GCNT1: variants seen among roughly 807,000 people sequenced by gnomAD.
The protein encoded by GCNT1 is beta-1,3-galactosyl-O-glycosyl-glycoprotein beta-1,6-N-acetylglucosaminyltransferase.
GCNT1 carries 16 observed loss-of-function variants against 26.2 expected under a neutral mutation model. That is an observed-to-expected ratio of 0.61 (90% CI 0.41 to 0.93). The LOEUF is 0.93. Ranked by LOEUF, GCNT1 falls within the 40% of genes least tolerant of loss-of-function variation. The probability of loss-of-function intolerance (pLI) is 0.00; values close to 1 mark genes in which losing one functional copy is unlikely to be tolerated. For missense variants in GCNT1, 477 were observed against 526.7 expected (o/e 0.91, Z 0.92); for synonymous variants, 183 against 190.8 (o/e 0.96, Z 0.34).
rs1825166269 is a variant in GCNT1 at position 76,503,986 on chromosome 9, C to G, written c.*318C>G. On this transcript the variant is annotated 3_prime_UTR_variant, in exon 4 of 4. Transcript: ENST00000376730. ...GGCCGATGCATAAAGTCAGCCTGTT[C>G]AAAGTGCTCAGGGACTTAGCAAAAT... The G allele has an allele frequency of 2.8e-6, 1 of 355,374 alleles. No homozygotes were observed. Among genetic ancestry groups the G allele is most frequent in the Non-Finnish European group, 5.5e-6 (1 of 181,452 alleles). 22.0% of individuals were successfully genotyped at this position (355,374 alleles called of 1,614,324 possible). A position where few individuals can be genotyped will look rare whatever the true frequency, so the allele number is the denominator to read the frequency against.
At chr9:76,443,896 AG>A (rs1823522677) in intron 1 of GCNT1, among the ~76,000 whole-genome samples, 2 of 48,710 alleles carry the variant, frequency 4.1e-5, no homozygotes, top group African/African-American at 1.9e-4. Context: ...AAAGAAAGAA[AG>A]AAAGGAAGAA....
At chr9:76,397,736 C>T in the GCNT1 span, among the ~76,000 whole-genome samples, 56,924 of 152,008 alleles carry the variant, frequency 0.37, 11,302 homozygotes, top group Non-Finnish European at 0.43. Context: ...TTTCCACCAC[C>T]GCTCAATAGC....
At chr9:76,408,074 A>G in the GCNT1 span, among the ~76,000 whole-genome samples, 5 of 152,316 alleles carry the variant, frequency 3.3e-5, no homozygotes, top group East Asian at 7.7e-4. Flanking sequence ...ATCATCTGCA[A>G]ACAAAGACAG....
chr9:76,401,528 A>C, the GCNT1 span, among the ~76,000 whole-genome samples: 10 of 152,230 alleles, frequency 6.6e-5, no homozygotes, highest in Non-Finnish European at 1.3e-4. Flanking sequence ...CACATTAATG[A>C]AGTTTACAGT....
chr9:76,492,582 G>A (rs2131631969), intron 2 of GCNT1, among the ~76,000 whole-genome samples: 1 of 150,704 alleles, frequency 6.6e-6, no homozygotes, highest in South Asian at 2.2e-4. Flanking sequence ...CTTGCCCCGG[G>A]CACCCTCAGT....
Position 76,506,361 on chromosome 9 carries a change from A to T in GCNT1, c.*2693A>T, listed in dbSNP as rs1825238519. On this transcript the variant is annotated 3_prime_UTR_variant, in exon 4 of 4. Coordinates refer to ENST00000376730, the MANE Select transcript of GCNT1 (RefSeq NM_001490.5). ...CAAGACCAGCCTAGCCAACATGACG[A>T]AACCCCATCTCTACTGAAAATAGAA... 6.0e-6 allele frequency: 1 copy of T among 166,962 alleles called. No homozygotes were observed. The highest frequency in any genetic ancestry group is 1.5e-5 in the Non-Finnish European group (1 of 68,092). The allele number at this position is 166,962 out of a possible 1,614,324, so 10.3% of individuals were successfully genotyped here.
intron 1 of GCNT1, among the ~76,000 whole-genome samples, chr9:76,427,413 CA>C (rs1482845253): frequency 6.6e-6 from 1 of 152,108 alleles, no homozygotes; most frequent in African/African-American, 2.4e-5. Flanking sequence ...CTCCTGGGCT[CA>C]AGCGATCTGC....
At chr9:76,426,233 A>G (rs1323936657) in intron 1 of GCNT1, among the ~76,000 whole-genome samples, 1 of 152,172 alleles carries the variant, frequency 6.6e-6, no homozygotes, top group Non-Finnish European at 1.5e-5. Flanking sequence ...TTGGAGGTTA[A>G]AAGGAAGATG....
chr9:76,407,887 G>A, the GCNT1 span, among the ~76,000 whole-genome samples: 1 of 152,046 alleles, frequency 6.6e-6, no homozygotes, highest in Non-Finnish European at 1.5e-5. Context: ...AATATAAATG[G>A]TATTGATATT....
At chr9:76,426,769 C>T (rs962020928) in intron 1 of GCNT1, among the ~76,000 whole-genome samples, 11 of 151,842 alleles carry the variant, frequency 7.2e-5, no homozygotes, top group African/African-American at 2.7e-4. Context: ...TGGTGGTGGG[C>T]ACCTGTAATC....
chr9:76,394,439 CG>C, the GCNT1 span: 1 of 354,286 alleles, frequency 2.8e-6, no homozygotes, highest in Non-Finnish European at 5.1e-6. Flanking sequence ...CGGGTGTGAG[CG>C]GGGTGGGGGG....
rs7022144 is a variant in GCNT1, at chr9:76,428,124, C to T, written n.38+8237C>T. On this transcript the variant is annotated intron_variant and non_coding_transcript_variant, in intron 1 of 3. Transcript: ENST00000488136. ...TACTAAAAATACAAAAAATTAGCCG[C>T]GCGTGGTGGCGGGCGCCTGTAGTCC... 3.3e-5 allele frequency among the ~76,000 whole-genome samples: 5 copies of T among 151,076 alleles called. No individual in the cohort carries two copies. The East Asian group carries it at 5.8e-4, about 18-fold the overall frequency.
In GCNT1 at chr9:76,503,493, C is replaced by T; in HGVS notation, c.1112C>T (p.Pro371Leu). ...GDVSKGAPYP[P>L]CDGVHVRSVC... ...GTTTCCAAGGGTGCTCCCTACCCGC[C>T]CTGCGATGGAGTCCATGTGCGCTCA... The change falls in exon 4 of 4, where the codon CCC (proline) becomes CTC (leucine). Residue 371 changes from proline to leucine, a missense_variant. Coordinates refer to ENST00000376730, the MANE Select transcript of GCNT1 (RefSeq NM_001490.5). The T allele has an allele frequency of 6.2e-7, 1 of 1,614,146 alleles. No individual in the cohort carries two copies. Among genetic ancestry groups the T allele is most frequent in the East Asian group, 2.2e-5 (1 of 44,878 alleles).
chr9:76,417,337 T>C (rs887371649), upstream of GCNT1, among the ~76,000 whole-genome samples: 3 of 152,208 alleles, frequency 2.0e-5, no homozygotes, highest in Non-Finnish European at 2.9e-5. Flanking sequence ...CACCTGAGTA[T>C]GTATCACAAT....
At chr9:76,480,210 C>G (rs532562895) in intron 2 of GCNT1, among the ~76,000 whole-genome samples, 75 of 152,156 alleles carry the variant, frequency 4.9e-4, no homozygotes, top group African/African-American at 1.7e-3. Flanking sequence ...TTCCATTGGT[C>G]TATATCTCTG....
chr9:76,395,662 AAAGGG>A, the GCNT1 span, among the ~76,000 whole-genome samples: 2 of 152,238 alleles, frequency 1.3e-5, no homozygotes, highest in Admixed American at 6.5e-5. Context: ...AAAGGGAAGA[AAAGGG>A]AAGGGAAGGG....
intron 2 of GCNT1, among the ~76,000 whole-genome samples, chr9:76,478,123 C>T (rs757921971): frequency 3.3e-5 from 5 of 152,148 alleles, no homozygotes; most frequent in African/African-American, 1.2e-4. Context: ...TGGGTGGGGA[C>T]AAATAAAGGA....
intron 1 of GCNT1, among the ~76,000 whole-genome samples, chr9:76,432,932 T>C (rs1303010832): frequency 6.6e-6 from 1 of 152,166 alleles, no homozygotes; most frequent in African/African-American, 2.4e-5. Flanking sequence ...GTTTTAGGCT[T>C]TTTTGGATAC....
chr9:76,451,276 G>A (rs1357709636), intron 1 of GCNT1, among the ~76,000 whole-genome samples: 1 of 152,180 alleles, frequency 6.6e-6, no homozygotes, highest in African/African-American at 2.4e-5. Context: ...AGGATGGGTG[G>A]CTATCATAAA....
Sources: allele counts gnomAD v4.1 joint callset (sites outside exome capture counted in the v4.1 genomes callset), GRCh38; gene constraint gnomAD v4.1.1; transcripts MANE v1.5; gene names NCBI Gene and HGNC (gene_info 2026-07-23, HGNC 2026-07-21).